The following KGD4 variants were observed in gnomAD, a reference collection of about 807,000 sequenced individuals.
KGD4 encodes alpha-ketoglutarate dehydrogenase subunit 4, also known as alpha-ketoglutarate dehydrogenase component 4.
At chr5:69,228,040 ACT>A in the KGD4 span, among the ~76,000 whole-genome samples, 17 of 152,314 alleles carry the variant, frequency 1.1e-4, no homozygotes. Flanking sequence ...CAACTGAGTT[ACT>A]CTACAATATT....
chr5:69,228,417 C>T, the KGD4 span: 117 of 1,553,764 alleles, frequency 7.5e-5, no homozygotes, highest in Middle Eastern at 1.7e-4. Context: ...CCCAAGACTA[C>T]GCAAAACACC....
the KGD4 span, among the ~76,000 whole-genome samples, chr5:69,225,057 G>C: frequency 6.8e-6 from 1 of 147,326 alleles, no homozygotes; most frequent in Non-Finnish European, 1.5e-5. Flanking sequence ...CTGGGCGACA[G>C]AGTGAGACTC....
the KGD4 span, among the ~76,000 whole-genome samples, chr5:69,228,945 G>T: frequency 3.5e-3 from 535 of 150,734 alleles, 1 homozygote; most frequent in South Asian, 5.9e-3. Flanking sequence ...AACCCGGGAG[G>T]CGGAGGTTGC....
At chr5:69,223,702 T>C in the KGD4 span, among the ~76,000 whole-genome samples, 1 of 152,168 alleles carries the variant, frequency 6.6e-6, no homozygotes, top group Non-Finnish European at 1.5e-5. Flanking sequence ...TACCACTATC[T>C]GGAATTTTAC....
At chr5:69,225,264 T>C in the KGD4 span, among the ~76,000 whole-genome samples, 9 of 112,778 alleles carry the variant, frequency 8.0e-5, no homozygotes, top group Admixed American at 4.0e-4. Context: ...AGCACCACAT[T>C]TTTTTTTTTT....
At chr5:69,229,327 A>T in the KGD4 span, 1 of 912,544 alleles carries the variant, frequency 1.1e-6, no homozygotes, top group Admixed American at 3.1e-5. Context: ...CCTTTAATAA[A>T]TATTATGAAA....
the KGD4 span, among the ~76,000 whole-genome samples, chr5:69,218,466 A>G: frequency 1.2e-5 from 1 of 84,664 alleles, no homozygotes; most frequent in African/African-American, 6.7e-5. Context: ...GTGTGTGTAT[A>G]TTAATGTGTG....
At chr5:69,223,812 G>C in the KGD4 span, among the ~76,000 whole-genome samples, 471 of 152,048 alleles carry the variant, frequency 3.1e-3, 2 homozygotes, top group Middle Eastern at 0.031. Flanking sequence ...TGTAATCCCA[G>C]CACTTTGGGA....
chr5:69,227,204 C>G, the KGD4 span, among the ~76,000 whole-genome samples: 117 of 152,240 alleles, frequency 7.7e-4, no homozygotes, highest in Non-Finnish European at 1.2e-3. Context: ...AGTGACTCAA[C>G]AGAAGATGTC....
the KGD4 span, chr5:69,226,378 G>A: frequency 6.2e-7 from 1 of 1,608,810 alleles, no homozygotes; most frequent in Non-Finnish European, 8.5e-7. Flanking sequence ...TTTCCTGACA[G>A]AAGAGACAAT....
At chr5:69,223,269 C>T in the KGD4 span, among the ~76,000 whole-genome samples, 34 of 151,460 alleles carry the variant, frequency 2.2e-4, no homozygotes, top group African/African-American at 8.2e-4. Flanking sequence ...TTAGTAGAGA[C>T]GGGGTTTCTC....
chr5:69,220,389 C>T, the KGD4 span, among the ~76,000 whole-genome samples: 1 of 152,048 alleles, frequency 6.6e-6, no homozygotes, highest in African/African-American at 2.4e-5. Flanking sequence ...GGCACGGTGG[C>T]TCACACCTGT....
the KGD4 span, among the ~76,000 whole-genome samples, chr5:69,225,568 T>A: frequency 2.7e-3 from 268 of 101,044 alleles, 1 homozygote; most frequent in Admixed American, 5.4e-3. Flanking sequence ...CTCAGCCACC[T>A]TTTTTTTTTT....
At chr5:69,226,469 T>C in the KGD4 span, 3 of 1,069,040 alleles carry the variant, frequency 2.8e-6, no homozygotes. Flanking sequence ...GAGTATTTTA[T>C]TATAGGCAAT....
At chr5:69,229,935 A>C in the KGD4 span, 1 of 151,828 alleles carries the variant, frequency 6.6e-6, no homozygotes, top group Admixed American at 6.6e-5. Flanking sequence ...GGAGGTTGTA[A>C]GGAAGTCTTG....
At chr5:69,229,148 CAA>C in the KGD4 span, 2 of 1,457,060 alleles carry the variant, frequency 1.4e-6, no homozygotes, top group Admixed American at 3.4e-5. Context: ...AAATTGCCAT[CAA>C]AACATTTCCT....
the KGD4 span, among the ~76,000 whole-genome samples, chr5:69,225,588 T>A: frequency 6.8e-6 from 1 of 146,000 alleles, no homozygotes; most frequent in Non-Finnish European, 1.5e-5. Flanking sequence ...TTTTTTTTTT[T>A]AAGATGGAGT....
the KGD4 span, chr5:69,218,112 G>T: frequency 1.6e-6 from 1 of 614,396 alleles, no homozygotes; most frequent in Admixed American, 2.9e-5. Flanking sequence ...ATCTTGGCAG[G>T]TAGGTCCTGT....
At chr5:69,227,562 A>G in the KGD4 span, among the ~76,000 whole-genome samples, 1 of 152,194 alleles carries the variant, frequency 6.6e-6, no homozygotes, top group Admixed American at 6.6e-5. Context: ...TTTTATAGGT[A>G]TATTTTTAAC....
Sources: allele counts gnomAD v4.1 joint callset (sites outside exome capture counted in the v4.1 genomes callset), GRCh38; gene constraint gnomAD v4.1.1; transcripts MANE v1.5; gene names NCBI Gene and HGNC (gene_info 2026-07-23, HGNC 2026-07-21).